Variants in ZNF883 observed in about 807,000 individuals in gnomAD.
ZNF883 encodes the protein zinc finger protein 883.
At chr9:112,998,270 C>CTATGG (rs1216185942), upstream of ZNF883, 1 of 1,510,116 alleles carries the variant, frequency 6.6e-7, no homozygotes, top group African/African-American at 1.4e-5. Flanking sequence ...CAGTACTGAA[C>CTATGG]TATGGCTTTA....
In ZNF883 at chr9:112,997,285, T is replaced by C. The variant is rs369856169; in HGVS notation, n.975A>G. On this transcript the variant is annotated non_coding_transcript_exon_variant, in exon 1 of 1. Coordinates refer to ENST00000639662, the Ensembl canonical transcript of ZNF883. ...AGCTTAAGCTGAAGGATTTCCCACATTCATTACACTGGTAGGGTTTCTCTC... is the reference window on the plus strand; with the variant it reads ...AGCTTAAGCTGAAGGATTTCCCACACTCATTACACTGGTAGGGTTTCTCTC... The C allele has an allele frequency of 3.1e-6, 5 of 1,614,082 alleles. No individual in the cohort carries two copies. The African/African-American group carries it at 5.3e-5, about 17-fold the overall frequency.
At chr9:113,011,835 C>T (rs1365112382) in intron 1 of ZNF883, among the ~76,000 whole-genome samples, 2 of 152,130 alleles carry the variant, frequency 1.3e-5, no homozygotes, top group Non-Finnish European at 2.9e-5. Flanking sequence ...AAGCAAGGCC[C>T]AAAAGCTCTG....
intron 2 of ZNF883, among the ~76,000 whole-genome samples, chr9:113,005,870 A>G (rs1349718564): frequency 6.6e-6 from 1 of 152,160 alleles, no homozygotes; most frequent in African/African-American, 2.4e-5. Context: ...CTATGCATCC[A>G]GTAAATATTA....
chr9:113,005,066 AAACTT>A (rs1828461518), intron 2 of ZNF883, among the ~76,000 whole-genome samples: 3 of 152,140 alleles, frequency 2.0e-5, no homozygotes, highest in Non-Finnish European at 2.9e-5. Context: ...GGTGAATTAA[AAACTT>A]AAACATAAAA....
chr9:112,997,533 C>T (rs1450932466), exon 1 of ZNF883: 1 of 1,614,094 alleles, frequency 6.2e-7, no homozygotes, highest in Admixed American at 1.7e-5. Flanking sequence ...AAGGCCTTTC[C>T]ACATGCATTA....
chr9:112,995,567 TTCTC>T (rs978675176), downstream of ZNF883, among the ~76,000 whole-genome samples: 32 of 151,960 alleles, frequency 2.1e-4, no homozygotes, highest in Middle Eastern at 3.4e-3. Flanking sequence ...CTTCTCTTCC[TTCTC>T]TCTTTCTTCT....
chr9:112,992,222 A>C, downstream of ZNF883, among the ~76,000 whole-genome samples: 1 of 152,124 alleles, frequency 6.6e-6, no homozygotes, highest in Non-Finnish European at 1.5e-5. Flanking sequence ...GCTGGAAATA[A>C]TTTTTCCTTT....
At chr9:112,995,565 CCTTCTCTCTTT>C (rs967172421), downstream of ZNF883, among the ~76,000 whole-genome samples, 11 of 151,602 alleles carry the variant, frequency 7.3e-5, no homozygotes, top group African/African-American at 2.4e-4. Context: ...TCCTTCTCTT[CCTTCTCTCTTT>C]CTTCTCTCTC....
upstream of ZNF883, chr9:112,998,306 CGGTATGTAATA>C: frequency 7.0e-7 from 1 of 1,428,144 alleles, no homozygotes; most frequent in Non-Finnish European, 9.2e-7. Flanking sequence ...TCATTTTTGT[CGGTATGTAATA>C]GGTGTTGGCT....
downstream of ZNF883, chr9:112,996,986 G>A: frequency 5.0e-6 from 4 of 806,598 alleles, no homozygotes; most frequent in South Asian, 6.4e-5. Context: ...CTTCTTCTCA[G>A]TACAAATAGC....
At chr9:112,997,698 T>G in exon 1 of ZNF883, 5 of 1,613,574 alleles carry the variant, frequency 3.1e-6, no homozygotes, top group Non-Finnish European at 4.2e-6. Context: ...CAAAAAACTT[T>G]CCGACATTGC....
upstream of ZNF883, among the ~76,000 whole-genome samples, chr9:113,000,871 G>A (rs1828415404): frequency 6.6e-6 from 1 of 152,062 alleles, no homozygotes; most frequent in African/African-American, 2.4e-5. Context: ...AACATGGAAG[G>A]ACTATTTGAG....
intron 1 of ZNF883, among the ~76,000 whole-genome samples, chr9:113,011,546 GAACA>G (rs1157313228): frequency 6.6e-6 from 1 of 152,192 alleles, no homozygotes; most frequent in Non-Finnish European, 1.5e-5. Context: ...CCATCTCAAA[GAACA>G]AACAATTGCT....
chr9:113,002,849 A>G (rs1294790081), upstream of ZNF883, among the ~76,000 whole-genome samples: 1 of 152,156 alleles, frequency 6.6e-6, no homozygotes, highest in Non-Finnish European at 1.5e-5. Context: ...GACCTTATAA[A>G]AAGGCTTGAG....
chr9:113,002,397 G>C (rs533378441), upstream of ZNF883, among the ~76,000 whole-genome samples: 1 of 140,248 alleles, frequency 7.1e-6, no homozygotes, highest in Non-Finnish European at 1.5e-5. Context: ...TCTTGAATGA[G>C]ATCAGAGAGT....
chr9:112,997,122 A>C (rs1368920338), exon 1 of ZNF883: 1 of 1,591,112 alleles, frequency 6.3e-7, no homozygotes, highest in Non-Finnish European at 8.6e-7. Context: ...CACACTCATT[A>C]CTCTGCTAAG....
At chr9:113,000,482 A>T (rs1828412005), upstream of ZNF883, among the ~76,000 whole-genome samples, 1 of 152,182 alleles carries the variant, frequency 6.6e-6, no homozygotes, top group Non-Finnish European at 1.5e-5. Context: ...ACAATGGTCA[A>T]ACTTAGCAAG....
At chr9:112,994,603 C>A (rs1384921688), downstream of ZNF883, among the ~76,000 whole-genome samples, 1 of 151,966 alleles carries the variant, frequency 6.6e-6, no homozygotes, top group South Asian at 2.1e-4. Context: ...CCAATCAGTT[C>A]TTTTCATTTA....
At chr9:112,997,517 C>T (rs201402217) in exon 1 of ZNF883, 204 of 1,613,890 alleles carry the variant, frequency 1.3e-4, no homozygotes, top group Non-Finnish European at 1.5e-4. Flanking sequence ...ATGTGCACTC[C>T]GATTGAAGGC....
Sources: gnomAD v4.1 joint callset for allele counts (sites outside exome capture counted in the v4.1 genomes callset) on GRCh38, gnomAD v4.1.1 for gene constraint, MANE v1.5 for transcripts, NCBI Gene and HGNC (gene_info 2026-07-23, HGNC 2026-07-21) for gene names.